SH2D4B: variants seen among roughly 807,000 people sequenced by gnomAD.
SH2D4B encodes SH2 domain containing 4B, also known as SH2 domain-containing protein 4B.
Under a neutral mutation model 61.5 loss-of-function variants are expected in SH2D4B, and 45 were observed. That is an observed-to-expected ratio of 0.73 (90% CI 0.58 to 0.94). SH2D4B has a LOEUF of 0.94. Among genes scored for constraint, SH2D4B ranks in the 40% least tolerant of loss-of-function variants. SH2D4B has a pLI of 0.00. For missense variants in SH2D4B, 572 were observed against 574.2 expected, an observed-to-expected ratio of 1.00 and a Z score of 0.04; for synonymous variants, 224 against 220.4, an observed-to-expected ratio of 1.02 and a Z score of -0.14.
At chr10:80,605,155 T>C (rs1842503306) in intron 5 of SH2D4B, among the ~76,000 whole-genome samples, 1 of 142,918 alleles carries the variant, frequency 7.0e-6, no homozygotes, top group Admixed American at 7.2e-5. Flanking sequence ...TGAAAGGCCT[T>C]ATTCCTCCTC....
At chr10:80,578,002 G>T (rs1468891764) in intron 3 of SH2D4B, among the ~76,000 whole-genome samples, 3 of 151,518 alleles carry the variant, frequency 2.0e-5, no homozygotes, top group Non-Finnish European at 4.4e-5. Context: ...ACAGGGTCCG[G>T]CTCTGTTACC....
chr10:80,580,951 T>C (rs11186149), intron 3 of SH2D4B, among the ~76,000 whole-genome samples: 12,727 of 152,254 alleles, frequency 0.084, 567 homozygotes, highest in African/African-American at 0.12. Context: ...TCAGTGGTAT[T>C]AGATGGCTCA....
intron 6 of SH2D4B, 146 bp downstream of exon 6, chr10:80,609,697 TC>T: frequency 7.7e-7 from 1 of 1,305,548 alleles, no homozygotes; most frequent in Non-Finnish European, 1.1e-6. Flanking sequence ...CCAGTGGGAG[TC>T]CAGGAGGCTG....
In SH2D4B at chr10:80,572,015, G is replaced by T. The variant is rs186482961; in HGVS notation, c.495+437G>T. ...TCTTGATCTCCTGACCTCGTGATCC[G>T]CCCGCCTCGGCCTTCCAAAGTGCTG... On this transcript the variant is annotated intron_variant, in intron 3 of 7. Coordinates refer to ENST00000646907, the MANE Select transcript of SH2D4B (RefSeq NM_001388272.1). Among the ~76,000 whole-genome samples, 342 of 151,920 alleles carry T rather than the reference G, an allele frequency of 2.3e-3. 11 individuals are homozygous for T. The highest frequency in any genetic ancestry group is 0.021 in the Admixed American group (317 of 15,272).
chr10:80,551,032 A>T (rs1327958844), intron 1 of SH2D4B, among the ~76,000 whole-genome samples: 3 of 152,216 alleles, frequency 2.0e-5, no homozygotes, highest in Non-Finnish European at 4.4e-5. Flanking sequence ...AAAAAGAAAA[A>T]GAAACATGAC....
At chr10:80,581,019 G>A (rs752171048) in intron 3 of SH2D4B, among the ~76,000 whole-genome samples, 13 of 152,126 alleles carry the variant, frequency 8.5e-5, no homozygotes, top group African/African-American at 1.2e-4. Context: ...AGCTTTGAGC[G>A]TTATTTTAGC....
chr10:80,588,243 G>A (rs61861594), intron 3 of SH2D4B, among the ~76,000 whole-genome samples: 3,463 of 152,242 alleles, frequency 0.023, 60 homozygotes, highest in Non-Finnish European at 0.034. Flanking sequence ...CAATGTGTAA[G>A]AAAACAGAAA....
chr10:80,572,128 C>A (rs1030038826), intron 3 of SH2D4B, among the ~76,000 whole-genome samples: 1 of 152,150 alleles, frequency 6.6e-6, no homozygotes, highest in Admixed American at 6.5e-5. Context: ...ACAGAAGAGA[C>A]TTGGCCAAGT....
At chr10:80,612,173 C>T (rs1000557154) in intron 6 of SH2D4B, among the ~76,000 whole-genome samples, 1 of 140,338 alleles carries the variant, frequency 7.1e-6, no homozygotes, top group Non-Finnish European at 1.5e-5. Flanking sequence ...GGGACCTCCC[C>T]CACTCCTGCT....
In SH2D4B at chr10:80,603,652, C is replaced by T. The variant is rs1842480593; in HGVS notation, c.717C>T (p.His239=). 1 of 1,605,756 alleles carries T rather than the reference C, an allele frequency of 6.2e-7. No individual in the cohort carries two copies. The highest frequency in any genetic ancestry group is 1.7e-5 in the Admixed American group (1 of 58,736). ...AQRARDEYRH[H]SLRAIQKGTV... is the part of the protein sequence containing the mutation. ...GCGCCCGGGACGAGTACCGACACCACTCGCTCCGTGCTATCCAGAAGGGCA... is the reference window on the plus strand; with the variant it reads ...GCGCCCGGGACGAGTACCGACACCATTCGCTCCGTGCTATCCAGAAGGGCA... Residue 239 remains histidine (H), a synonymous_variant, in exon 5 of 8, where the codon CAC becomes CAT. Coordinates refer to ENST00000646907, the MANE Select transcript of SH2D4B (RefSeq NM_001388272.1).
At chr10:80,590,094 C>G (rs1564776945) in intron 4 of SH2D4B, among the ~76,000 whole-genome samples, 1 of 152,152 alleles carries the variant, frequency 6.6e-6, no homozygotes, top group Non-Finnish European at 1.5e-5. Flanking sequence ...GGGGAAGCCC[C>G]AGGGTGGGTC....
intron 6 of SH2D4B, 137 bp downstream of exon 6, chr10:80,609,688 C>G: frequency 8.1e-6 from 11 of 1,365,258 alleles, no homozygotes; most frequent in South Asian, 1.3e-5. Context: ...GTCCCTCTCC[C>G]AGTGGGAGTC....
chr10:80,588,165 C>T (rs1432756581), intron 3 of SH2D4B, among the ~76,000 whole-genome samples: 5 of 152,150 alleles, frequency 3.3e-5, no homozygotes, highest in East Asian at 1.9e-4. Context: ...GGGAGCTCAG[C>T]CTCAAATCCA....
intron 6 of SH2D4B, among the ~76,000 whole-genome samples, chr10:80,626,341 T>G (rs927254066): frequency 6.6e-6 from 1 of 152,262 alleles, no homozygotes; most frequent in African/African-American, 2.4e-5. Context: ...TGGTTGCAAC[T>G]GAGAAGTCTG....
intron 4 of SH2D4B, among the ~76,000 whole-genome samples, chr10:80,599,146 C>T (rs570104770): frequency 6.6e-6 from 1 of 152,142 alleles, no homozygotes; most frequent in South Asian, 2.1e-4. Flanking sequence ...GGAGTGCGCA[C>T]CAGAGTCGGG....
chr10:80,606,177 G>A (rs1842517911), intron 5 of SH2D4B, among the ~76,000 whole-genome samples: 1 of 152,116 alleles, frequency 6.6e-6, no homozygotes, highest in Non-Finnish European at 1.5e-5. Flanking sequence ...AAGAGCAGAT[G>A]CATGCCGCTG....
In SH2D4B at chr10:80,539,585, C is replaced by T. The variant is rs1378001443; in HGVS notation, c.184+1070C>T. Among the ~76,000 whole-genome samples the T allele has an allele frequency of 1.3e-5, 2 of 152,200 alleles. No homozygotes were observed. The highest frequency in any genetic ancestry group is 4.8e-5 in the African/African-American group (2 of 41,448). On this transcript the variant is annotated intron_variant, in intron 1 of 7. Transcript: ENST00000646907. This position sits in a 1 kb window ranked among gnomAD's most constrained non-coding sequence, Gnocchi z 4.9. ...CCTGACAGACTCCATCAGGAGTGGC[C>T]CCCCTGCCCTGGAGTGTTCAGGGAT...
In SH2D4B at chr10:80,603,738, G is replaced by A. The variant is rs772284832; in HGVS notation, c.803G>A (p.Arg268Lys). The A allele has an allele frequency of 6.2e-7, 1 of 1,613,500 alleles. No homozygotes were observed. The highest frequency in any genetic ancestry group is 2.2e-5 in the East Asian group (1 of 44,868). ...ELGQSHEQEA[R>K]LYHHLPDPGL... ...GGCCAGAGCCATGAGCAGGAGGCAA[G>A]ACTCTACCACCACCTCCCCGACCCG... is the stretch of plus-strand genomic sequence containing the variant. The change falls in exon 5 of 8, where the codon AGA (arginine) becomes AAA (lysine). Residue 268 changes from arginine (R) to lysine (K), a missense_variant. Physicochemically the swap from Arg to Lys is conservative, Grantham distance 26. Coordinates refer to ENST00000646907, the MANE Select transcript of SH2D4B (RefSeq NM_001388272.1).
chr10:80,592,192 T>A (rs1455341796), intron 4 of SH2D4B, among the ~76,000 whole-genome samples: 1 of 152,238 alleles, frequency 6.6e-6, no homozygotes, highest in Non-Finnish European at 1.5e-5. Flanking sequence ...TATATCATCT[T>A]TGGAGAAATG....
Sources: gnomAD v4.1 joint callset for allele counts (sites outside exome capture counted in the v4.1 genomes callset) on GRCh38, gnomAD v4.1.1 for gene constraint, Gnocchi (gnomAD v3.1) non-coding constraint, MANE v1.5 for transcripts, NCBI Gene and HGNC (gene_info 2026-07-23, HGNC 2026-07-21) for gene names.